The following MBD5 variants were observed in gnomAD, a reference collection of about 807,000 sequenced individuals.
MBD5 encodes the protein methyl-CpG binding domain protein 5.
A neutral mutation model predicts 117.3 loss-of-function variants in MBD5; 13 were observed. The ratio of observed to expected loss-of-function variants is 0.11; its 90% confidence interval spans 0.07 to 0.18. The LOEUF (loss-of-function observed/expected upper bound fraction) is 0.18, where lower values mean the gene tolerates loss of function less well. Ranked by LOEUF, MBD5 falls within the 10% of genes least tolerant of loss-of-function variation. MBD5 has a pLI of 1.00. For missense variants in MBD5, 1,879 were observed against 2,093.8 expected, an observed-to-expected ratio of 0.90 and a Z score of 2.00; for synonymous variants, 727 against 766.4, an observed-to-expected ratio of 0.95 and a Z score of 0.85.
chr2:148,087,221 C>T (rs924142544), intron 1 of MBD5, among the ~76,000 whole-genome samples: 3 of 152,190 alleles, frequency 2.0e-5, no homozygotes, highest in African/African-American at 7.2e-5. Flanking sequence ...TGGCAAAAAA[C>T]TCTGGTGCTG....
At chr2:148,431,056 C>A (rs1705969331) in intron 4 of MBD5, among the ~76,000 whole-genome samples, 1 of 152,052 alleles carries the variant, frequency 6.6e-6, no homozygotes, top group African/African-American at 2.4e-5. Flanking sequence ...TTTCTTCCCC[C>A]TACTTTGGAG....
intron 1 of MBD5, among the ~76,000 whole-genome samples, chr2:148,172,598 C>T (rs1366157054): frequency 1.3e-5 from 2 of 152,164 alleles, no homozygotes; most frequent in African/African-American, 4.8e-5. Context: ...TGGAAAGGGG[C>T]AGGTCCCTGG....
chr2:148,405,380 A>C (rs559961518), intron 4 of MBD5, among the ~76,000 whole-genome samples: 2 of 152,376 alleles, frequency 1.3e-5, no homozygotes, highest in South Asian at 4.1e-4. Context: ...CCCACAACTA[A>C]GTAAGATACT....
chr2:148,064,119 G>GTTTT (rs1421897531), intron 1 of MBD5, among the ~76,000 whole-genome samples: 4 of 129,228 alleles, frequency 3.1e-5, no homozygotes, highest in African/African-American at 1.2e-4. Flanking sequence ...CCCACCAGCT[G>GTTTT]TCTTTTTTCT....
chr2:148,401,413 A>G (rs943786766), intron 4 of MBD5, among the ~76,000 whole-genome samples: 4 of 151,936 alleles, frequency 2.6e-5, no homozygotes, highest in Non-Finnish European at 5.9e-5. Flanking sequence ...TTCTATCTTT[A>G]TAGTTCTTCA....
chr2:148,395,977 G>C (rs1704703086), intron 4 of MBD5, among the ~76,000 whole-genome samples: 1 of 152,006 alleles, frequency 6.6e-6, no homozygotes, highest in Non-Finnish European at 1.5e-5. Flanking sequence ...TATTTGTCTT[G>C]TCACTCTAAA....
At chr2:148,101,434 C>A (rs2105296177) in intron 1 of MBD5, among the ~76,000 whole-genome samples, 1 of 152,056 alleles carries the variant, frequency 6.6e-6, no homozygotes, top group Non-Finnish European at 1.5e-5. Flanking sequence ...TGCACTTCAG[C>A]TTAGATGATA....
intron 1 of MBD5, among the ~76,000 whole-genome samples, chr2:148,093,181 G>A (rs1200520589): frequency 6.6e-6 from 1 of 152,164 alleles, no homozygotes; most frequent in African/African-American, 2.4e-5. Context: ...AAAGTGTTAG[G>A]ATTACAGGAG....
In MBD5 at chr2:148,291,244, G is replaced by T. The variant is rs189927162; in HGVS notation, c.-679-50970G>T. ...CGTACCAATTTTAGCAACAAAGCTAGCTGGGAGTTTGATAGAGATTACATT... is the reference window on the plus strand; with the variant it reads ...CGTACCAATTTTAGCAACAAAGCTATCTGGGAGTTTGATAGAGATTACATT... On this transcript the variant is annotated intron_variant, in intron 3 of 13. Transcript: ENST00000642680. Among the ~76,000 whole-genome samples the T allele has an allele frequency of 2.0e-3, 308 of 152,284 alleles. 2 individuals carry two copies. Among genetic ancestry groups the T allele is most frequent in the Non-Finnish European group, 9.6e-4 (65 of 68,016 alleles).
chr2:148,413,559 T>C (rs1166589723), intron 4 of MBD5, among the ~76,000 whole-genome samples: 23 of 151,674 alleles, frequency 1.5e-4, no homozygotes, highest in South Asian at 2.1e-4. Flanking sequence ...CCAGATCTTC[T>C]TTATACACCT....
intron 8 of MBD5, among the ~76,000 whole-genome samples, chr2:148,478,803 T>C (rs976793353): frequency 1.8e-4 from 27 of 152,342 alleles, no homozygotes; most frequent in African/African-American, 6.5e-4. Flanking sequence ...AAAGGACTTC[T>C]CCAGCTTACT....
chr2:148,311,820 A>G (rs1702039393), intron 3 of MBD5, among the ~76,000 whole-genome samples: 1 of 152,174 alleles, frequency 6.6e-6, no homozygotes, highest in Admixed American at 6.5e-5. Flanking sequence ...TGCTTCCTTC[A>G]GGAGCTCTTG....
chr2:148,495,136 G>T (rs528439343), intron 11 of MBD5, among the ~76,000 whole-genome samples: 40 of 152,230 alleles, frequency 2.6e-4, no homozygotes, highest in African/African-American at 9.4e-4. Context: ...GCCAGAACCA[G>T]ACAGATTCAC....
At chr2:148,061,437 T>A (rs1270407191) in intron 1 of MBD5, among the ~76,000 whole-genome samples, 6 of 151,890 alleles carry the variant, frequency 4.0e-5, no homozygotes, top group Admixed American at 3.9e-4. Flanking sequence ...TCCCTCTACA[T>A]AATTGACATC....
chr2:148,216,823 C>CTTTTTCTTTTTCCGCAG (rs1699568239), intron 2 of MBD5, among the ~76,000 whole-genome samples: 1 of 152,116 alleles, frequency 6.6e-6, no homozygotes, highest in African/African-American at 2.4e-5. Context: ...CCCTCAGCAC[C>CTTTTTCTTTTTCCGCAG]ACCCAAAGTA....
intron 3 of MBD5, among the ~76,000 whole-genome samples, chr2:148,319,728 A>T (rs1477443375): frequency 1.3e-5 from 2 of 152,192 alleles, no homozygotes; most frequent in Non-Finnish European, 2.9e-5. Flanking sequence ...CTGTTTTCCA[A>T]TTCAGATACC....
In MBD5 at chr2:148,060,449, C is replaced by G. The variant is rs556621262; in HGVS notation, c.-925+38765C>G. 2.0e-5 allele frequency among the ~76,000 whole-genome samples: 3 copies of G among 151,720 alleles called. No individual in the cohort carries two copies. The South Asian group carries it at 6.2e-4, about 32-fold the overall frequency. Reference sequence around the variant, plus strand: ...ATAAATTTTCACCATGTTTCCTTACCACAATAGTGAAGGTTAATTGTATTT... The same window carrying G: ...ATAAATTTTCACCATGTTTCCTTACGACAATAGTGAAGGTTAATTGTATTT... On this transcript the variant is annotated intron_variant, in intron 1 of 13. Transcript: ENST00000642680.
intron 3 of MBD5, among the ~76,000 whole-genome samples, chr2:148,292,204 A>G (rs971186666): frequency 6.6e-6 from 1 of 152,188 alleles, no homozygotes; most frequent in Non-Finnish European, 1.5e-5. Context: ...CCAAAGCAAA[A>G]ATGGACAAGT....
At chr2:148,160,249 T>C (rs1225319760) in intron 1 of MBD5, among the ~76,000 whole-genome samples, 1 of 152,058 alleles carries the variant, frequency 6.6e-6, no homozygotes, top group Non-Finnish European at 1.5e-5. Flanking sequence ...AATATAAAAA[T>C]TAGCCAGGCA....
Sources: allele counts gnomAD v4.1 joint callset (sites outside exome capture counted in the v4.1 genomes callset), GRCh38; gene constraint gnomAD v4.1.1; transcripts MANE v1.5; gene names NCBI Gene and HGNC (gene_info 2026-07-23, HGNC 2026-07-21).